Variants in MYPN observed in about 807,000 individuals in gnomAD.
MYPN encodes the protein myopalladin.
Under a neutral mutation model 129.4 loss-of-function variants are expected in MYPN, and 63 were observed. That is an observed-to-expected ratio of 0.49 (90% CI 0.40 to 0.60). The LOEUF (loss-of-function observed/expected upper bound fraction) is 0.60, where lower values mean the gene tolerates loss of function less well. Ranked by LOEUF, MYPN falls within the 20% of genes least tolerant of loss-of-function variation. The probability of loss-of-function intolerance (pLI) is 0.00; values close to 1 mark genes in which losing one functional copy is unlikely to be tolerated. For synonymous variants in MYPN, 629 were observed against 600.9 expected, an observed-to-expected ratio of 1.05 and a Z score of -0.68; for missense variants, 1,596 against 1,635.4, an observed-to-expected ratio of 0.98 and a Z score of 0.42.
At chr10:68,177,819 C>G (rs184938695) in intron 12 of MYPN, among the ~76,000 whole-genome samples, 2 of 152,174 alleles carry the variant, frequency 1.3e-5, no homozygotes, top group Admixed American at 6.6e-5. Flanking sequence ...ATGATTCCTT[C>G]GGAAGAGTAT....
In MYPN at chr10:68,199,474, T is replaced by C. The variant is rs1238852443; in HGVS notation, c.3392T>C (p.Leu1131Pro). 1.2e-6 allele frequency: 2 copies of C among 1,614,192 alleles called. No homozygotes were observed. Among genetic ancestry groups the C allele is most frequent in the Admixed American group, 1.7e-5 (1 of 60,022 alleles). ...GTCAGGGAGACCGGAGTCCACTCTC[T>C]GCTCATTGACCCACTCACTCAGCGC... ...MLVRETGVHS[L>P]LIDPLTQRDA... Residue 1131 changes from leucine (L) to proline (P), a missense_variant, in exon 17 of 20, where the codon CTG (leucine) becomes CCG (proline). Transcript: ENST00000358913.
rs147566625 is a variant in MYPN at position 68,194,223 on chromosome 10, T to G, written c.2926-140T>G. On this transcript the variant is annotated intron_variant, in intron 13 of 19. Transcript: ENST00000358913. ...TATTATACAGCCATTTTTAATATGT[T>G]TTATAACTTTTTTTCAAGTGCTTCA... The G allele has an allele frequency of 7.9e-4, 624 of 785,086 alleles. 6 individuals are homozygous for G. In the African/African-American group the frequency reaches 9.8e-3, roughly 12 times the overall value. 48.6% of individuals were successfully genotyped at this position (785,086 alleles called of 1,614,324 possible).
Position 68,113,992 on chromosome 10 carries a change from T to C in MYPN, c.-2+4269T>C, listed in dbSNP as rs144416622. Among the ~76,000 whole-genome samples the C allele has an allele frequency of 4.7e-3, 719 of 152,306 alleles. 10 individuals carry two copies. The highest frequency in any genetic ancestry group is 0.016 in the African/African-American group (677 of 41,552). On this transcript the variant is annotated intron_variant, in intron 1 of 19. Coordinates refer to ENST00000358913, the MANE Select transcript of MYPN (RefSeq NM_032578.4). ...ATGCTGTACAGCAAGACTCCATAAT[T>C]TATTCCTTCTCCTGTGTAACTGGAA... is the stretch of plus-strand genomic sequence containing the variant.
intron 1 of MYPN, among the ~76,000 whole-genome samples, chr10:68,095,331 CAG>C (rs2041951410): frequency 1.4e-5 from 2 of 142,414 alleles, no homozygotes; most frequent in South Asian, 2.2e-4. Flanking sequence ...GCTTGGGTGA[CAG>C]AGTCAGTCCC....
intron 13 of MYPN, among the ~76,000 whole-genome samples, chr10:68,190,576 T>C (rs72795430): frequency 1.3e-5 from 2 of 152,350 alleles, no homozygotes; most frequent in Non-Finnish European, 2.9e-5. Flanking sequence ...TTATATATTC[T>C]GGTTAGTAAT....
intron 15 of MYPN, 76 bp downstream of exon 15, chr10:68,195,608 G>A: frequency 8.4e-7 from 1 of 1,189,218 alleles, no homozygotes; most frequent in Non-Finnish European, 1.3e-6. Context: ...CAAAGTACTG[G>A]ATCCACAAAT....
chr10:68,102,739 T>C (rs558913471), upstream of MYPN, among the ~76,000 whole-genome samples: 181 of 152,320 alleles, frequency 1.2e-3, 1 homozygote, highest in Non-Finnish European at 2.0e-3. Flanking sequence ...TATTTGATTA[T>C]ATTAACTTAA....
In MYPN at chr10:68,206,756, C is replaced by T. The variant is rs376460992; in HGVS notation, c.3660-14C>T. The T allele has an allele frequency of 3.4e-5, 55 of 1,614,122 alleles. No individual in the cohort carries two copies. The African/African-American group carries it at 6.3e-4, about 18-fold the overall frequency. ...CCCCGATAAAATATAGGTATATTCT[C>T]TCTTTTTCTCCAGTATGCACCAGGA... On this transcript the variant is annotated splice_polypyrimidine_tract_variant and intron_variant, in intron 18 of 19. Transcript: ENST00000358913.
chr10:68,201,095 A>G (rs749591942), intron 17 of MYPN, among the ~76,000 whole-genome samples: 1 of 152,168 alleles, frequency 6.6e-6, no homozygotes, highest in Admixed American at 6.5e-5. Flanking sequence ...ATTTTTGTGG[A>G]AAAACTATTA....
intron 12 of MYPN, among the ~76,000 whole-genome samples, chr10:68,180,147 G>A (rs1290223416): frequency 6.6e-6 from 1 of 151,946 alleles, no homozygotes; most frequent in Non-Finnish European, 1.5e-5. Flanking sequence ...TTCTACTGAA[G>A]GCAACAAGTG....
chr10:68,164,427 C>T (rs965310275), intron 8 of MYPN, among the ~76,000 whole-genome samples: 1 of 152,324 alleles, frequency 6.6e-6, no homozygotes, highest in African/African-American at 2.4e-5. Context: ...AGCACTGAAG[C>T]ATTGGGGATT....
At chr10:68,129,685 G>C (rs574015570) in intron 2 of MYPN, among the ~76,000 whole-genome samples, 1 of 152,070 alleles carries the variant, frequency 6.6e-6, no homozygotes. Context: ...CATTCCCACC[G>C]ACATTGTGTA....
Position 68,197,242 on chromosome 10 carries a change from C to CAA in MYPN, c.3159-99_3159-98dup, listed in dbSNP as rs34524918. The CAA allele has an allele frequency of 0.031, 33,691 of 1,093,216 alleles. 108 individuals are homozygous for CAA. Among genetic ancestry groups the CAA allele is most frequent in the Middle Eastern group, 0.056 (175 of 3,110 alleles). 67.7% of individuals were successfully genotyped at this position (1,093,216 alleles called of 1,614,324 possible). The stretch of plus-strand genomic sequence containing the variant: ...TAGTCCAGCCTCCCCTTTCCCCCTT[C>CAA]AAAAAAAAAAAATCTGTTCTCTAGG... On this transcript the variant is annotated intron_variant, in intron 15 of 19. Coordinates refer to ENST00000358913, the MANE Select transcript of MYPN (RefSeq NM_032578.4).
At chr10:68,138,166 G>A (rs957547598) in intron 2 of MYPN, among the ~76,000 whole-genome samples, 24 of 149,700 alleles carry the variant, frequency 1.6e-4, no homozygotes, top group African/African-American at 4.9e-4. Context: ...GCAGTGCCGC[G>A]ATTTTGGCTC....
At chr10:68,094,270 T>A (rs558857050) in intron 1 of MYPN, among the ~76,000 whole-genome samples, 2 of 147,556 alleles carry the variant, frequency 1.4e-5, no homozygotes, top group South Asian at 2.1e-4. Flanking sequence ...TTTTAATTAA[T>A]TTTTTTTTTT....
intron 17 of MYPN, 107 bp downstream of exon 17, chr10:68,199,682 A>G: frequency 9.0e-7 from 1 of 1,109,920 alleles, no homozygotes; most frequent in Non-Finnish European, 1.4e-6. Context: ...ACTAACTCCA[A>G]TCTCAATTTC....
chr10:68,199,348 G>T lies in MYPN; in HGVS notation c.3286-20G>T. On this transcript the variant is annotated intron_variant, in intron 16 of 19. Transcript: ENST00000358913. ...TGCCTGTCATCAGTCATGTGCCTCA[G>T]CTGTTCTGTTGTTTATTAGGTGAGT... 6.2e-7 allele frequency: 1 copy of T among 1,612,216 alleles called. No homozygotes were observed.
In MYPN at chr10:68,166,602, A is replaced by T; in HGVS notation, c.1909A>T (p.Thr637Ser). ...SFQERFNGQA[T>S]KTPEPSSPVK... ...CCAGGAGAGGTTCAACGGACAGGCAACAAAAACCCCAGAGCCTTCTTCCCC... is the reference window on the plus strand; with the variant it reads ...CCAGGAGAGGTTCAACGGACAGGCATCAAAAACCCCAGAGCCTTCTTCCCC... The change falls in exon 10 of 20, where the codon ACA becomes TCA. Residue 637 changes from threonine to serine, a missense_variant. By Grantham distance (58) the Thr-to-Ser change is moderately conservative (BLOSUM62 1). Coordinates refer to ENST00000358913, the MANE Select transcript of MYPN (RefSeq NM_032578.4). 6.2e-7 allele frequency: 1 copy of T among 1,614,168 alleles called. No homozygotes were observed. Among genetic ancestry groups the T allele is most frequent in the Non-Finnish European group, 8.5e-7 (1 of 1,180,012 alleles).
At chr10:68,107,800 G>T (rs2133955180), upstream of MYPN, among the ~76,000 whole-genome samples, 1 of 152,262 alleles carries the variant, frequency 6.6e-6, no homozygotes, top group East Asian at 1.9e-4. Context: ...GTGAAAGGTA[G>T]AATACCAGGC....
Sources: gnomAD v4.1 joint callset for allele counts (sites outside exome capture counted in the v4.1 genomes callset) on GRCh38, gnomAD v4.1.1 for gene constraint, MANE v1.5 for transcripts, NCBI Gene and HGNC (gene_info 2026-07-23, HGNC 2026-07-21) for gene names.